TRAPPC9: variants seen among roughly 807,000 people sequenced by gnomAD.
The protein encoded by TRAPPC9 is trafficking protein particle complex subunit 9, also known as IKK2 binding protein.
TRAPPC9 carries 83 observed loss-of-function variants against 124.0 expected under a neutral mutation model. That is an observed-to-expected ratio of 0.67 (90% CI 0.56 to 0.80). The LOEUF is 0.80. TRAPPC9 is among the 30% of genes least tolerant of loss of function. The pLI, the probability that TRAPPC9 is intolerant of heterozygous loss-of-function variation, is 0.00. For missense variants in TRAPPC9, 1,302 were observed against 1,508.3 expected (o/e 0.86, Z 2.27); for synonymous variants, 638 against 617.5 (o/e 1.03, Z -0.49).
intron 21 of TRAPPC9, among the ~76,000 whole-genome samples, chr8:139,817,079 C>CACACACA (rs376187685): frequency 7.9e-5 from 12 of 151,148 alleles, no homozygotes; most frequent in South Asian, 2.1e-4. Context: ...CACACACACA[C>CACACACA]CAGCCACTGC....
At chr8:140,248,055 T>C (rs2064030653) in intron 16 of TRAPPC9, among the ~76,000 whole-genome samples, 1 of 152,224 alleles carries the variant, frequency 6.6e-6, no homozygotes, top group Non-Finnish European at 1.5e-5. Flanking sequence ...TGCATAGAGT[T>C]TGGCCATGAT....
intron 17 of TRAPPC9, among the ~76,000 whole-genome samples, chr8:140,193,716 C>T (rs182071036): frequency 6.6e-5 from 10 of 152,036 alleles, no homozygotes; most frequent in East Asian, 1.9e-4. Flanking sequence ...ACAGGAGGCC[C>T]GCTGTGCTAA....
At chr8:139,886,088 T>C in intron 20 of TRAPPC9, 119 bp from the exon 21 acceptor site, 1 of 944,344 alleles carries the variant, frequency 1.1e-6, no homozygotes, top group Non-Finnish European at 1.7e-6. Flanking sequence ...TCTCCCCTCT[T>C]CTGAAGGGAC....
At chr8:140,005,084 G>A (rs982053513) in intron 18 of TRAPPC9, among the ~76,000 whole-genome samples, 22 of 152,152 alleles carry the variant, frequency 1.4e-4, no homozygotes, top group African/African-American at 5.3e-4. Context: ...AAGAATCAGA[G>A]GGTTTTCTGC....
chr8:140,382,214 G>A (rs777509314), intron 7 of TRAPPC9, among the ~76,000 whole-genome samples: 4 of 152,216 alleles, frequency 2.6e-5, no homozygotes, highest in African/African-American at 7.2e-5. Flanking sequence ...CAGCGTGAGC[G>A]ACACAGAAGA....
chr8:140,171,901 G>A (rs988137813), intron 17 of TRAPPC9, among the ~76,000 whole-genome samples: 13 of 152,196 alleles, frequency 8.5e-5, no homozygotes, highest in Admixed American at 7.2e-4. Flanking sequence ...GTCACCATTC[G>A]GAACATAAGG....
chr8:139,889,935 A>G (rs1236519138), intron 20 of TRAPPC9, among the ~76,000 whole-genome samples: 1 of 152,176 alleles, frequency 6.6e-6, no homozygotes, highest in Non-Finnish European at 1.5e-5. Flanking sequence ...CTCAGCAGTC[A>G]GGCTGCATCT....
At chr8:139,793,425 A>G (rs1474759043) in intron 21 of TRAPPC9, among the ~76,000 whole-genome samples, 1 of 152,152 alleles carries the variant, frequency 6.6e-6, no homozygotes, top group Non-Finnish European at 1.5e-5. Context: ...CCACCCCAGC[A>G]GCATTTCTTC....
chr8:140,045,787 G>A (rs1233998682), intron 17 of TRAPPC9, among the ~76,000 whole-genome samples: 14 of 151,826 alleles, frequency 9.2e-5, no homozygotes, highest in African/African-American at 3.1e-4. Context: ...GCTCAGCCTC[G>A]AGGTGGCAGA....
At chr8:139,878,205 G>A (rs1003581968) in intron 21 of TRAPPC9, among the ~76,000 whole-genome samples, 12 of 152,176 alleles carry the variant, frequency 7.9e-5, no homozygotes, top group East Asian at 7.7e-4. Flanking sequence ...CAATATGTGC[G>A]AGACATGTTT....
chr8:140,449,418 C>T (rs1027601564), intron 2 of TRAPPC9, among the ~76,000 whole-genome samples: 1 of 152,216 alleles, frequency 6.6e-6, no homozygotes, highest in Admixed American at 6.5e-5. Flanking sequence ...CCTAGGCTTG[C>T]ATCTCATCCA....
intron 9 of TRAPPC9, among the ~76,000 whole-genome samples, chr8:140,356,933 C>A (rs1052302044): frequency 2.0e-5 from 3 of 152,092 alleles, no homozygotes; most frequent in Non-Finnish European, 2.9e-5. Flanking sequence ...TGAAAAATGT[C>A]TGAGGACCCA....
intron 21 of TRAPPC9, among the ~76,000 whole-genome samples, chr8:139,833,430 C>T (rs1466734636): frequency 1.3e-5 from 2 of 152,242 alleles, no homozygotes; most frequent in Non-Finnish European, 2.9e-5. Context: ...CACACAGGCC[C>T]ACCCTCTCTG....
intron 19 of TRAPPC9, among the ~76,000 whole-genome samples, chr8:139,930,930 G>A (rs1017239346): frequency 1.3e-5 from 2 of 152,192 alleles, no homozygotes; most frequent in Admixed American, 6.5e-5. Context: ...GCACTCGGTG[G>A]TGCCCCCTTT....
chr8:139,973,719 G>A (rs190989263), intron 19 of TRAPPC9, among the ~76,000 whole-genome samples: 53 of 152,252 alleles, frequency 3.5e-4, no homozygotes, highest in Admixed American at 9.1e-4. Context: ...AGTCGAAGGC[G>A]GTACTGAGAA....
chr8:140,029,711 T>C (rs920568372), intron 17 of TRAPPC9, among the ~76,000 whole-genome samples: 3 of 151,198 alleles, frequency 2.0e-5, no homozygotes, highest in Non-Finnish European at 4.4e-5. Context: ...CTAACAAACA[T>C]GTAAATTAGA....
intron 21 of TRAPPC9, among the ~76,000 whole-genome samples, chr8:139,864,556 C>T (rs913658971): frequency 3.9e-5 from 6 of 152,310 alleles, no homozygotes; most frequent in South Asian, 2.1e-4. Flanking sequence ...CTGATTCAAA[C>T]GTCCACTCTG....
At chr8:139,945,895 G>A (rs1434207874) in intron 19 of TRAPPC9, among the ~76,000 whole-genome samples, 1 of 152,178 alleles carries the variant, frequency 6.6e-6, no homozygotes, top group Admixed American at 6.5e-5. Flanking sequence ...ATAAAAAGGT[G>A]GATATAGTAA....
At chr8:139,968,688 T>G (rs1261152673) in intron 19 of TRAPPC9, among the ~76,000 whole-genome samples, 1 of 152,064 alleles carries the variant, frequency 6.6e-6, no homozygotes, top group Non-Finnish European at 1.5e-5. Flanking sequence ...CACTTACGGA[T>G]GAGTTGTTAA....
Sources: gnomAD v4.1 joint callset for allele counts (sites outside exome capture counted in the v4.1 genomes callset) on GRCh38, gnomAD v4.1.1 for gene constraint, MANE v1.5 for transcripts, NCBI Gene and HGNC (gene_info 2026-07-23, HGNC 2026-07-21) for gene names.